TFEC: variants seen among roughly 807,000 people sequenced by gnomAD.
TFEC encodes class E basic helix-loop-helix protein 34.
A neutral mutation model predicts 41.6 loss-of-function variants in TFEC; 31 were observed. The observed-to-expected ratio is 0.74, with a 90% CI of 0.56 to 1.01. TFEC has a LOEUF of 1.01. Among genes scored for constraint, TFEC ranks in the 50% least tolerant of loss-of-function variants. The pLI is 0.00. For synonymous variants in TFEC, 143 were observed against 140.6 expected (o/e 1.02, Z -0.12); for missense variants, 402 against 404.1 (o/e 0.99, Z 0.04).
intron 1 of TFEC, among the ~76,000 whole-genome samples, chr7:116,150,209 T>G (rs1252788866): frequency 6.6e-6 from 1 of 152,170 alleles, no homozygotes; most frequent in Non-Finnish European, 1.5e-5. Flanking sequence ...ACTACTAGTC[T>G]TGTATTTCTT....
intron 1 of TFEC, among the ~76,000 whole-genome samples, chr7:116,124,521 GAAT>G (rs146891564): frequency 0.15 from 23,378 of 151,924 alleles, 1,931 homozygotes; most frequent in East Asian, 0.33. Context: ...CCTAAAATGT[GAAT>G]AATAAAACAA....
At chr7:116,096,264 GGT>G (rs1361615537) in intron 3 of TFEC, among the ~76,000 whole-genome samples, 1 of 151,936 alleles carries the variant, frequency 6.6e-6, no homozygotes, top group Admixed American at 6.6e-5. Flanking sequence ...AAATTTTAAG[GGT>G]GGTTTCTTTA....
At chr7:116,044,905 C>T (rs569095429) in intron 3 of TFEC, among the ~76,000 whole-genome samples, 1 of 152,118 alleles carries the variant, frequency 6.6e-6, no homozygotes, top group Non-Finnish European at 1.5e-5. Flanking sequence ...AGAAGAGGGA[C>T]GAAATTAGAT....
At chr7:116,133,246 C>A (rs994813390) in intron 1 of TFEC, among the ~76,000 whole-genome samples, 3 of 101,870 alleles carry the variant, frequency 2.9e-5, no homozygotes, top group African/African-American at 1.4e-4. Context: ...GAAAATAATT[C>A]TTTCCTTAAT....
intron 3 of TFEC, among the ~76,000 whole-genome samples, chr7:116,074,838 T>C (rs972656309): frequency 9.8e-5 from 15 of 152,288 alleles, no homozygotes; most frequent in Non-Finnish European, 1.8e-4. Context: ...GCAGCGTTAT[T>C]CACAATAGCA....
intron 1 of TFEC, among the ~76,000 whole-genome samples, chr7:116,155,576 A>AAAAG (rs910689779): frequency 9.9e-5 from 15 of 152,238 alleles, no homozygotes; most frequent in East Asian, 5.8e-4. Context: ...CCAGGAAAAA[A>AAAAG]AAAGAAAGAA....
At chr7:115,968,191 T>A in intron 3 of TFEC, 1 of 1,527,178 alleles carries the variant, frequency 6.5e-7, no homozygotes, top group Non-Finnish European at 8.8e-7. Context: ...TCACCAGTTT[T>A]AACTTTGAAG....
At chr7:116,053,259 G>A (rs113911966) in intron 3 of TFEC, among the ~76,000 whole-genome samples, 246 of 152,214 alleles carry the variant, frequency 1.6e-3, no homozygotes, top group African/African-American at 5.4e-3. Context: ...CAGCAGTAAG[G>A]ACGAATTTGA....
intron 3 of TFEC, among the ~76,000 whole-genome samples, chr7:116,049,648 C>A (rs1447201472): frequency 2.6e-5 from 4 of 152,224 alleles, no homozygotes; most frequent in Non-Finnish European, 5.9e-5. Context: ...ATCTACAGAA[C>A]TCTCCACCAC....
At chr7:115,995,147 T>C (rs913925785) in intron 1 of TFEC, among the ~76,000 whole-genome samples, 2 of 135,266 alleles carry the variant, frequency 1.5e-5, no homozygotes, top group African/African-American at 5.6e-5. Flanking sequence ...AATTGAACAA[T>C]GAGAACACTT....
chr7:115,957,819 A>C (rs1227448980), intron 3 of TFEC, among the ~76,000 whole-genome samples: 1 of 151,646 alleles, frequency 6.6e-6, no homozygotes, highest in Non-Finnish European at 1.5e-5. Flanking sequence ...TTTTTGCAAA[A>C]CTCCAATTCA....
intron 3 of TFEC, among the ~76,000 whole-genome samples, chr7:116,056,339 T>C (rs1293922305): frequency 6.6e-6 from 1 of 152,092 alleles, no homozygotes; most frequent in African/African-American, 2.4e-5. Context: ...ACTAGGTAGC[T>C]AGAGTTCTCA....
intron 3 of TFEC, among the ~76,000 whole-genome samples, chr7:116,085,911 C>G (rs1797193527): frequency 6.6e-6 from 1 of 151,916 alleles, no homozygotes; most frequent in Admixed American, 6.6e-5. Context: ...TCCTTTTAAC[C>G]TCTCTTTCAT....
intron 1 of TFEC, among the ~76,000 whole-genome samples, chr7:116,155,295 G>T (rs1798847082): frequency 6.6e-6 from 1 of 152,170 alleles, no homozygotes; most frequent in Non-Finnish European, 1.5e-5. Flanking sequence ...ATAGAAATTA[G>T]CTAAGGGAAA....
At chr7:116,141,886 T>C (rs938332133) in intron 1 of TFEC, among the ~76,000 whole-genome samples, 1 of 152,238 alleles carries the variant, frequency 6.6e-6, no homozygotes, top group Non-Finnish European at 1.5e-5. Flanking sequence ...AAGGCTGCAA[T>C]TGATAAATAG....
At chr7:115,941,041 T>C (rs955447027) in intron 7 of TFEC, 110 bp from the exon 8 acceptor site, 1 of 992,672 alleles carries the variant, frequency 1.0e-6, no homozygotes, top group East Asian at 2.6e-5. Context: ...AAATGAAGAG[T>C]AATACAATAC....
intron 3 of TFEC, among the ~76,000 whole-genome samples, chr7:116,046,191 C>T (rs760830413): frequency 3.3e-5 from 5 of 152,050 alleles, no homozygotes; most frequent in African/African-American, 4.8e-5. Flanking sequence ...GCTGGGAAGG[C>T]ATAATTGGTT....
At chr7:115,942,611 AT>A (rs917997916) in intron 6 of TFEC, among the ~76,000 whole-genome samples, 142 of 151,982 alleles carry the variant, frequency 9.3e-4, no homozygotes, top group African/African-American at 2.4e-3. Context: ...CCATTCAGTC[AT>A]TTTTTTTCTA....
intron 1 of TFEC, among the ~76,000 whole-genome samples, chr7:116,154,128 C>T (rs944392298): frequency 6.6e-6 from 1 of 152,196 alleles, no homozygotes; most frequent in African/African-American, 2.4e-5. Flanking sequence ...GCATCTTGAA[C>T]TCAATGGCCA....
Sources: allele counts gnomAD v4.1 joint callset (sites outside exome capture counted in the v4.1 genomes callset), GRCh38; gene constraint gnomAD v4.1.1; transcripts MANE v1.5; gene names NCBI Gene and HGNC (gene_info 2026-07-23, HGNC 2026-07-21).